RIN3: variants seen among roughly 807,000 people sequenced by gnomAD.
The protein encoded by RIN3 is RAB5 interacting protein 3.
RIN3 carries 54 observed loss-of-function variants against 76.3 expected under a neutral mutation model. The ratio of observed to expected loss-of-function variants is 0.71; its 90% CI spans 0.57 to 0.89. RIN3 has a LOEUF of 0.89. RIN3 is among the 40% of genes least tolerant of loss of function. The pLI, the probability that RIN3 is intolerant of heterozygous loss-of-function variation, is 0.00. For missense variants in RIN3, 1,256 were observed against 1,322.1 expected (o/e 0.95, Z 0.78); for synonymous variants, 576 against 564.0 (o/e 1.02, Z -0.30).
chr14:92,559,745 A>G (rs1390600332), intron 2 of RIN3, among the ~76,000 whole-genome samples: 1 of 152,218 alleles, frequency 6.6e-6, no homozygotes, highest in Non-Finnish European at 1.5e-5. Context: ...GGGAGCTGAC[A>G]GAGTCTGCTG....
chr14:92,554,922 C>CAA (rs76864062), intron 1 of RIN3, among the ~76,000 whole-genome samples: 3 of 151,022 alleles, frequency 2.0e-5, no homozygotes, highest in Non-Finnish European at 4.4e-5. Context: ...GAATCTGTCT[C>CAA]AAAAAAAAAT....
At chr14:92,633,356 GGAAGA>G (rs1330817783) in intron 4 of RIN3, among the ~76,000 whole-genome samples, 1 of 152,216 alleles carries the variant, frequency 6.6e-6, no homozygotes, top group Non-Finnish European at 1.5e-5. Context: ...AAATGAGGAA[GGAAGA>G]GAAGAGCCTC....
At position 92,592,603 on chromosome 14, in the gene RIN3, T is replaced by A. The variant is rs1443680352; in HGVS notation, c.367+15126T>A. 4.6e-5 allele frequency among the ~76,000 whole-genome samples: 7 copies of A among 151,270 alleles called. No individual in the cohort carries two copies. In the East Asian group the frequency reaches 1.4e-3, roughly 29 times the overall value. On this transcript the variant is annotated intron_variant, in intron 3 of 9. Transcript: ENST00000216487. ...GTAATACCCAATACAATGTAAGTAC[T>A]ATGTAAATAGTTGTTATACTGTATT...
chr14:92,560,909 A>G (rs1187114585), intron 2 of RIN3, among the ~76,000 whole-genome samples: 1 of 148,022 alleles, frequency 6.8e-6, no homozygotes, highest in Non-Finnish European at 1.5e-5. Flanking sequence ...AATCCCAGCT[A>G]CTCAGGAGGC....
At chr14:92,578,452 C>T (rs568617061) in intron 3 of RIN3, among the ~76,000 whole-genome samples, 27 of 152,262 alleles carry the variant, frequency 1.8e-4, no homozygotes, top group African/African-American at 4.8e-4. Flanking sequence ...ATGGTATAAC[C>T]GCTCAGTGGG....
chr14:92,651,917 C>A lies in RIN3; in HGVS notation c.868C>A (p.Gln290Lys). 1 of 1,555,660 alleles carries A rather than the reference C, an allele frequency of 6.4e-7. No homozygotes were observed. The highest frequency in any genetic ancestry group is 8.7e-7 in the Non-Finnish European group (1 of 1,148,696). The change falls in exon 6 of 10, where the codon CAG (glutamine) becomes AAG (lysine). Residue 290 changes from glutamine (Q) to lysine (K), a missense_variant. Around this residue, in one of 3 missense-constraint regions of RIN3, gnomAD observed 610 missense variants for 626.4 expected, o/e 0.97. Transcript: ENST00000216487. Reference sequence around the variant, plus strand: ...ACCCCCTCCCCCAGTGCTGCCCCTGCAGCCCTGCAGCCCAGCCCAGCCCCC... The same window carrying A: ...ACCCCCTCCCCCAGTGCTGCCCCTGAAGCCCTGCAGCCCAGCCCAGCCCCC... Reference protein sequence around the residue: ...PPPPPPVLPLQPCSPAQPPVL... With the variant: ...PPPPPPVLPLKPCSPAQPPVL...
chr14:92,543,820 C>T (rs1897181332), intron 1 of RIN3, among the ~76,000 whole-genome samples: 1 of 151,814 alleles, frequency 6.6e-6, no homozygotes, highest in South Asian at 2.1e-4. Context: ...TCTTCATTTA[C>T]TTATTCATTG....
In RIN3 at chr14:92,652,295, C is replaced by G. The variant is rs933850864; in HGVS notation, c.1246C>G (p.Gln416Glu). Residue 416 changes from glutamine to glutamate, a missense_variant, in exon 6 of 10, where the codon CAA (glutamine) becomes GAA (glutamate). Around this residue, in one of 3 missense-constraint regions of RIN3, gnomAD observed 610 missense variants for 626.4 expected, o/e 0.97. Transcript: ENST00000216487. The surrounding 1 kb of genome is among the most constrained non-coding windows in gnomAD (Gnocchi z 6.4). ...AEGDQLSLPP[Q>E]GTSDGPEDTP... The stretch of plus-strand genomic sequence containing the variant: ...GGGGGACCAGCTCAGCCTGCCTCCC[C>G]AAGGGACCTCAGACGGCCCTGAGGA... 5 of 1,609,756 alleles carry G rather than the reference C, an allele frequency of 3.1e-6. No homozygotes were observed. Among genetic ancestry groups the G allele is most frequent in the Non-Finnish European group, 4.2e-6 (5 of 1,177,146 alleles).
chr14:92,663,451 G>T (rs568982191), intron 7 of RIN3, among the ~76,000 whole-genome samples: 1 of 152,340 alleles, frequency 6.6e-6, no homozygotes, highest in East Asian at 1.9e-4. Context: ...GAGGGAGGGA[G>T]GCCGGAATCT....
intron 4 of RIN3, 167 bp downstream of exon 4, chr14:92,615,646 G>T (rs955925070): frequency 3.2e-6 from 2 of 628,182 alleles, no homozygotes; most frequent in Non-Finnish European, 5.7e-6. Flanking sequence ...GGATGTGTTG[G>T]CTCTGAGGCT....
chr14:92,666,701 C>T (rs879675944), intron 7 of RIN3, among the ~76,000 whole-genome samples: 5 of 152,142 alleles, frequency 3.3e-5, no homozygotes, highest in Admixed American at 6.5e-5. Flanking sequence ...ACTAGTCATT[C>T]GGAGCTGGTC....
chr14:92,556,271 G>A (rs987297998), intron 2 of RIN3, among the ~76,000 whole-genome samples: 1 of 152,036 alleles, frequency 6.6e-6, no homozygotes, highest in Non-Finnish European at 1.5e-5. Flanking sequence ...GGACCATGCT[G>A]GCCTGCTCTG....
intron 2 of RIN3, among the ~76,000 whole-genome samples, chr14:92,561,367 A>C (rs991292124): frequency 1.0e-5 from 1 of 98,678 alleles, no homozygotes; most frequent in Non-Finnish European, 2.0e-5. Context: ...CCCACTATCC[A>C]CCTCCCTCCC....
intron 1 of RIN3, among the ~76,000 whole-genome samples, chr14:92,532,757 G>A (rs1027110926): frequency 3.3e-5 from 5 of 152,198 alleles, no homozygotes; most frequent in African/African-American, 1.2e-4. Context: ...AGGAAGGGTG[G>A]TCTCCTCAGA....
chr14:92,550,204 A>T (rs1034767798), intron 1 of RIN3, among the ~76,000 whole-genome samples: 4 of 152,148 alleles, frequency 2.6e-5, no homozygotes, highest in African/African-American at 4.8e-5. Context: ...TCCCAAAATC[A>T]AGGTTTTAAA....
intron 2 of RIN3, among the ~76,000 whole-genome samples, chr14:92,570,466 C>T (rs961936979): frequency 6.6e-6 from 1 of 152,104 alleles, no homozygotes; most frequent in African/African-American, 2.4e-5. Flanking sequence ...AGCTGGAGAC[C>T]AGCCTGGCCA....
intron 3 of RIN3, among the ~76,000 whole-genome samples, chr14:92,580,518 G>A (rs1266738492): frequency 6.6e-6 from 1 of 152,260 alleles, no homozygotes; most frequent in Admixed American, 6.5e-5. Context: ...CAGGATGACT[G>A]GCAGATGGAG....
Position 92,577,352 on chromosome 14 carries a change from G to T in RIN3, c.250-8G>T, listed in dbSNP as rs376047029. The T allele has an allele frequency of 1.9e-6, 3 of 1,603,070 alleles. No individual in the cohort carries two copies. The highest frequency in any genetic ancestry group is 1.7e-5 in the Admixed American group (1 of 59,834). ...TTCACGGAGCTGCATCCCCTTCTTT[G>T]GTTTCAGATGTTCCTGGTTCGCCGG... On this transcript the variant is annotated splice_polypyrimidine_tract_variant and splice_region_variant and intron_variant, in intron 2 of 9. Coordinates refer to ENST00000216487, the MANE Select transcript of RIN3 (RefSeq NM_024832.5).
At chr14:92,553,903 C>T (rs1897505752) in intron 1 of RIN3, among the ~76,000 whole-genome samples, 2 of 152,286 alleles carry the variant, frequency 1.3e-5, no homozygotes, top group South Asian at 4.1e-4. Context: ...TACAGCCCTG[C>T]CTTCAGGGGT....
Sources: gnomAD v4.1 joint callset for allele counts (sites outside exome capture counted in the v4.1 genomes callset) on GRCh38, gnomAD v4.1.1 for gene constraint, gnomAD v4.1.1 regional missense constraint, Gnocchi (gnomAD v3.1) non-coding constraint, MANE v1.5 for transcripts, NCBI Gene and HGNC (gene_info 2026-07-23, HGNC 2026-07-21) for gene names.